PACS1: variants seen among roughly 807,000 people sequenced by gnomAD.
PACS1 encodes phosphofurin acidic cluster sorting protein 1.
A neutral mutation model predicts 115.0 loss-of-function variants in PACS1; 24 were observed. The ratio of observed to expected loss-of-function variants is 0.21; its 90% CI spans 0.15 to 0.29. The LOEUF is 0.29. PACS1 is among the 10% of genes least tolerant of loss of function. The probability of loss-of-function intolerance (pLI) is 1.00; values close to 1 mark genes in which losing one functional copy is unlikely to be tolerated. For synonymous variants in PACS1, 453 were observed against 504.5 expected (o/e 0.90, Z 1.37); for missense variants, 838 against 1,251.2 (o/e 0.67, Z 4.98).
At chr11:66,093,365 T>C (rs1266671335) in intron 1 of PACS1, among the ~76,000 whole-genome samples, 1 of 147,168 alleles carries the variant, frequency 6.8e-6, no homozygotes, top group Non-Finnish European at 1.5e-5. Context: ...ACCAAGCAAA[T>C]GGAAAACAAA....
chr11:66,172,093 T>C (rs1859753833), intron 1 of PACS1, among the ~76,000 whole-genome samples: 1 of 152,248 alleles, frequency 6.6e-6, no homozygotes, highest in Admixed American at 6.5e-5. Flanking sequence ...AAATCAGACA[T>C]TGCCATTCTT....
Position 66,195,666 on chromosome 11 carries a change from T to C in PACS1, c.444+2093T>C, listed in dbSNP as rs567270192. 2.6e-5 allele frequency among the ~76,000 whole-genome samples: 4 copies of C among 152,260 alleles called. No homozygotes were observed. In the South Asian group the frequency reaches 8.3e-4, roughly 32 times the overall value. Reference sequence around the variant, plus strand: ...TTAAATTGTTCTACTTCCAAGCAGCTGAAAGTAATTACAGATGTCACCACA... The same window carrying C: ...TTAAATTGTTCTACTTCCAAGCAGCCGAAAGTAATTACAGATGTCACCACA... On this transcript the variant is annotated intron_variant, in intron 2 of 23. Transcript: ENST00000320580.
intron 1 of PACS1, among the ~76,000 whole-genome samples, chr11:66,100,250 T>A (rs554603991): frequency 1.7e-4 from 26 of 152,280 alleles, no homozygotes; most frequent in African/African-American, 6.3e-4. Context: ...ATTTTAGGGT[T>A]CTCTCCAGCC....
At chr11:66,107,426 T>C (rs1858075192) in intron 1 of PACS1, among the ~76,000 whole-genome samples, 1 of 152,194 alleles carries the variant, frequency 6.6e-6, no homozygotes, top group Non-Finnish European at 1.5e-5. Flanking sequence ...CTATATCCTT[T>C]TCCTGTATAC....
chr11:66,239,668 T>C (rs542627230), intron 21 of PACS1, among the ~76,000 whole-genome samples: 1 of 152,280 alleles, frequency 6.6e-6, no homozygotes, highest in African/African-American at 2.4e-5. Context: ...GCAAGTGTCT[T>C]GTTATGGGAC....
At chr11:66,097,170 C>T (rs537542679) in intron 1 of PACS1, among the ~76,000 whole-genome samples, 81 of 152,186 alleles carry the variant, frequency 5.3e-4, no homozygotes, top group African/African-American at 1.9e-3. Context: ...TGATAAATAC[C>T]CCCTGGTATT....
chr11:66,130,655 G>A (rs1046180455), intron 1 of PACS1, among the ~76,000 whole-genome samples: 13 of 152,020 alleles, frequency 8.6e-5, no homozygotes, highest in African/African-American at 3.1e-4. Flanking sequence ...TTTCAGTTCT[G>A]TTGGTGTTGT....
At chr11:66,127,100 AT>A (rs1383093171) in intron 1 of PACS1, among the ~76,000 whole-genome samples, 1 of 152,144 alleles carries the variant, frequency 6.6e-6, no homozygotes, top group Non-Finnish European at 1.5e-5. Context: ...CTTAGTAATT[AT>A]TTAGCTGTCA....
intron 1 of PACS1, among the ~76,000 whole-genome samples, chr11:66,152,600 AAATCTT>A (rs1436876963): frequency 6.6e-6 from 1 of 152,216 alleles, no homozygotes; most frequent in African/African-American, 2.4e-5. Context: ...GATAAAAAGA[AAATCTT>A]AAAAGCAGAT....
Position 66,230,637 on chromosome 11 carries a change from G to A in PACS1, c.1464G>A (p.Thr488=), listed in dbSNP as rs1372395894. Residue 488 remains threonine, a synonymous_variant, in exon 12 of 24, where the codon ACG becomes ACA. Transcript: ENST00000320580. ...KVKTPMKSSK[T]DLQGSASPSK... ...AAACTCCCATGAAGTCCAGTAAAAC[G>A]GATCTCCAGGGCTCTGCCTCCCCCA... The A allele has an allele frequency of 6.2e-6, 10 of 1,613,900 alleles. No individual in the cohort carries two copies. The South Asian group carries it at 6.6e-5, about 11-fold the overall frequency.
At chr11:66,175,153 C>G (rs368924263) in intron 1 of PACS1, among the ~76,000 whole-genome samples, 80 of 145,214 alleles carry the variant, frequency 5.5e-4, no homozygotes, top group African/African-American at 1.8e-3. Context: ...CAGAGCAAAA[C>G]TCTGTCTGAA....
At chr11:66,133,396 G>T (rs1858747252) in intron 1 of PACS1, among the ~76,000 whole-genome samples, 1 of 152,222 alleles carries the variant, frequency 6.6e-6, no homozygotes, top group African/African-American at 2.4e-5. Context: ...ACTAGTGGCT[G>T]CTGGAGGCAT....
chr11:66,189,493 A>T (rs1854467023), intron 1 of PACS1, among the ~76,000 whole-genome samples: 1 of 152,252 alleles, frequency 6.6e-6, no homozygotes. Context: ...GTTATGTAAG[A>T]GCCTTCTGGG....
At position 66,189,592 on chromosome 11, in the gene PACS1, A is replaced by G. The variant is rs147306613; in HGVS notation, c.357-3894A>G. ...CCCACATCCTTCTACAACTCCAACA[A>G]CTGGTTCAGTACCAGGCGCAGAGTG... On this transcript the variant is annotated intron_variant, in intron 1 of 23. Coordinates refer to ENST00000320580, the MANE Select transcript of PACS1 (RefSeq NM_018026.4). Among the ~76,000 whole-genome samples the G allele has an allele frequency of 1.1e-3, 170 of 152,302 alleles. 2 individuals are homozygous for G. The highest frequency in any genetic ancestry group is 1.6e-4 in the Non-Finnish European group (11 of 68,022).
At chr11:66,129,122 T>TG (rs1858645288) in intron 1 of PACS1, among the ~76,000 whole-genome samples, 1 of 151,874 alleles carries the variant, frequency 6.6e-6, no homozygotes, top group Non-Finnish European at 1.5e-5. Context: ...AATGTCAATT[T>TG]AAAAATTGAT....
chr11:66,202,727 A>G (rs71461608), intron 2 of PACS1, among the ~76,000 whole-genome samples: 3,489 of 14,862 alleles, frequency 0.23, 282 homozygotes, highest in African/African-American at 0.32. Context: ...CATCTCTAGG[A>G]AAAAAAAAAA....
chr11:66,167,565 G>A (rs1035005540), intron 1 of PACS1, among the ~76,000 whole-genome samples: 6 of 149,584 alleles, frequency 4.0e-5, no homozygotes, highest in Admixed American at 4.0e-4. Context: ...TTTTAATATA[G>A]TTGGATTTCT....
rs200716334 is a variant in PACS1, at chr11:66,239,206, G to A, written c.2358G>A (p.Ser786=). The change falls in exon 21 of 24, where the codon TCG becomes TCA. Residue 786 remains serine (S), a synonymous_variant. Coordinates refer to ENST00000320580, the MANE Select transcript of PACS1 (RefSeq NM_018026.4). ...CCTCCACATCACCACCCTCCAGCTCGGGCCTGAGCCGAGACGCCACGGCCA... is the reference window on the plus strand; with the variant it reads ...CCTCCACATCACCACCCTCCAGCTCAGGCCTGAGCCGAGACGCCACGGCCA... ...TVPSTSPPSS[S]GLSRDATATP... 2.0e-4 allele frequency: 322 copies of A among 1,614,028 alleles called. 1 individual carries two copies. The highest frequency in any genetic ancestry group is 4.0e-4 in the East Asian group (18 of 44,872).
intron 1 of PACS1, among the ~76,000 whole-genome samples, chr11:66,189,738 A>G (rs1351770942): frequency 6.6e-6 from 1 of 152,242 alleles, no homozygotes; most frequent in African/African-American, 2.4e-5. Context: ...AGCAGCCACA[A>G]ATCAATTTGA....
Sources: allele counts gnomAD v4.1 joint callset (sites outside exome capture counted in the v4.1 genomes callset), GRCh38; gene constraint gnomAD v4.1.1; transcripts MANE v1.5; gene names NCBI Gene and HGNC (gene_info 2026-07-23, HGNC 2026-07-21).